The following CSMD2 variants were observed in gnomAD, a reference collection of about 807,000 sequenced individuals.
CSMD2 encodes the protein CUB and Sushi multiple domains 2.
In CSMD2, 130 loss-of-function variants were observed where a neutral mutation model predicts 398.5. That is an observed-to-expected ratio of 0.33 (90% CI 0.28 to 0.38). The LOEUF (loss-of-function observed/expected upper bound fraction) is 0.38. CSMD2 is among the 10% of genes least tolerant of loss of function. The pLI, the probability that CSMD2 is intolerant of heterozygous loss-of-function variation, is 1.00. For missense variants in CSMD2, 3,829 were observed against 4,764.9 expected (o/e 0.80, Z 5.78); for synonymous variants, 1,828 against 1,908.5 (o/e 0.96, Z 1.10).
intron 3 of CSMD2, among the ~76,000 whole-genome samples, chr1:34,011,479 G>C (rs887524724): frequency 2.6e-5 from 4 of 152,184 alleles, no homozygotes; most frequent in Admixed American, 6.5e-5. Flanking sequence ...GCCTAAGAGA[G>C]TCCATTCTTT....
At chr1:33,734,233 G>T (rs1439465071) in intron 15 of CSMD2, among the ~76,000 whole-genome samples, 1 of 151,604 alleles carries the variant, frequency 6.6e-6, no homozygotes, top group East Asian at 1.9e-4. Context: ...GAGAATAAAT[G>T]TGGATGTGTT....
chr1:33,763,625 T>C (rs1231589537), intron 13 of CSMD2, among the ~76,000 whole-genome samples: 1 of 152,176 alleles, frequency 6.6e-6, no homozygotes, highest in Non-Finnish European at 1.5e-5. Flanking sequence ...TGATAGGAAA[T>C]GCTGGGAGCC....
intron 21 of CSMD2, among the ~76,000 whole-genome samples, chr1:33,711,428 T>C (rs867685057): frequency 1.3e-5 from 2 of 152,208 alleles, no homozygotes; most frequent in Non-Finnish European, 2.9e-5. Flanking sequence ...AATAATAGCA[T>C]TCTCATAAGA....
chr1:33,605,467 T>C lies in CSMD2; in HGVS notation c.6347A>G (p.Tyr2116Cys), dbSNP rs200429573. 7 of 1,613,976 alleles carry C rather than the reference T, an allele frequency of 4.3e-6. No individual in the cohort carries two copies. Among genetic ancestry groups the C allele is most frequent in the South Asian group, 2.2e-5 (2 of 91,080 alleles). Residue 2116 changes from tyrosine to cysteine, a missense_variant, in exon 42 of 71, where the codon TAT becomes TGT. Physicochemically the swap from Tyr to Cys is radical, Grantham distance 194 (BLOSUM62 -2). Transcript: ENST00000373381. ...TGGGTCTGGGCACTCTTGAAGTTCA[T>C]AGGCTGGAAAAGATCCGGAGAAAAG... ...RPGFKLEYQAYELQECPDPEP... is the reference protein window; with the variant it reads ...RPGFKLEYQACELQECPDPEP...
intron 37 of CSMD2, 108 bp from the exon 38 acceptor site, chr1:33,617,725 T>C: frequency 1.3e-6 from 1 of 775,668 alleles, no homozygotes; most frequent in Non-Finnish European, 2.3e-6. Flanking sequence ...GTGCTTCTAA[T>C]TTGTGCTTTC....
chr1:33,537,521 G>A lies in CSMD2; in HGVS notation c.9720C>T (p.Cys3240=). The A allele has an allele frequency of 6.2e-7, 1 of 1,614,098 alleles. No individual in the cohort carries two copies. Among genetic ancestry groups the A allele is most frequent in the South Asian group, 1.1e-5 (1 of 91,072 alleles). The change falls in exon 61 of 71, where the codon TGC becomes TGT. Residue 3240 remains cysteine (C), a synonymous_variant. Coordinates refer to ENST00000373381, the MANE Select transcript of CSMD2 (RefSeq NM_001281956.2). This position sits in a 1 kb window ranked among gnomAD's most constrained non-coding sequence, Gnocchi z 4.6. ...AGCCCACCAGCACCAGAGGGGGATG[G>A]CAGGAGAAGGAGACAGATGACCTGT... ...FSYRSSVSFS[C]HPPLVLVGSP...
rs1570668214 is a variant in CSMD2, at chr1:33,541,071, T to C, written c.9457+59A>G. ...CCCTTCTAGAGAGATGCTCAGGGCC[T>C]ACATCTCACTTTTGTATCTTCTTTG... On this transcript the variant is annotated intron_variant, in intron 59 of 70. Coordinates refer to ENST00000373381, the MANE Select transcript of CSMD2 (RefSeq NM_001281956.2). 2.6e-6 allele frequency: 4 copies of C among 1,536,240 alleles called. No individual in the cohort carries two copies. In the African/African-American group the frequency reaches 4.1e-5, roughly 16 times the overall value.
intron 1 of CSMD2, among the ~76,000 whole-genome samples, chr1:34,116,042 A>G (rs1661569339): frequency 6.6e-6 from 1 of 152,076 alleles, no homozygotes; most frequent in African/African-American, 2.4e-5. Flanking sequence ...GAAAAAAGGA[A>G]CAAAGTAACT....
chr1:33,663,250 C>T, intron 25 of CSMD2, among the ~76,000 whole-genome samples, 158 bp from the exon 26 acceptor site: 1 of 152,198 alleles, frequency 6.6e-6, no homozygotes, highest in African/African-American at 2.4e-5. Flanking sequence ...CGTCTGGCAG[C>T]ATCCTCATTT....
chr1:33,617,231 C>T (rs569879600), intron 38 of CSMD2, among the ~76,000 whole-genome samples: 1 of 152,314 alleles, frequency 6.6e-6, no homozygotes, highest in African/African-American at 2.4e-5. Flanking sequence ...TACTAAATTC[C>T]CTGATGGCCT....
At chr1:34,128,341 G>C (rs1662960225) in intron 1 of CSMD2, among the ~76,000 whole-genome samples, 1 of 152,194 alleles carries the variant, frequency 6.6e-6, no homozygotes, top group Non-Finnish European at 1.5e-5. Context: ...GTGACTCTTG[G>C]TAGAATTTGT....
At chr1:33,988,746 T>C (rs1411025870) in intron 3 of CSMD2, among the ~76,000 whole-genome samples, 1 of 151,426 alleles carries the variant, frequency 6.6e-6, no homozygotes, top group African/African-American at 2.4e-5. Context: ...AAGGAGGGGA[T>C]GCTGATAGGG....
intron 2 of CSMD2, among the ~76,000 whole-genome samples, chr1:34,077,122 G>A (rs1656474892): frequency 6.6e-6 from 1 of 151,032 alleles, no homozygotes; most frequent in Non-Finnish European, 1.5e-5. Flanking sequence ...TTGTTGGAAC[G>A]CATCCATAAA....
chr1:33,996,584 C>G (rs1646733272), intron 3 of CSMD2, among the ~76,000 whole-genome samples: 1 of 152,188 alleles, frequency 6.6e-6, no homozygotes, highest in Non-Finnish European at 1.5e-5. Context: ...AAGGGTTGCT[C>G]ACTCAAGGGG....
At chr1:33,707,678 T>TGC (rs1645834119) in intron 22 of CSMD2, among the ~76,000 whole-genome samples, 1 of 112,860 alleles carries the variant, frequency 8.9e-6, no homozygotes, top group Admixed American at 1.0e-4. Flanking sequence ...CACGCACGCG[T>TGC]GCACACGCGC....
At chr1:34,088,213 G>A (rs1658137597) in intron 2 of CSMD2, among the ~76,000 whole-genome samples, 1 of 152,234 alleles carries the variant, frequency 6.6e-6, no homozygotes, top group South Asian at 2.1e-4. Context: ...CCCAGGGCTT[G>A]GCTTGTAAGC....
At chr1:33,927,423 T>C (rs1480747459) in intron 4 of CSMD2, among the ~76,000 whole-genome samples, 4 of 152,178 alleles carry the variant, frequency 2.6e-5, no homozygotes, top group Admixed American at 2.0e-4. Flanking sequence ...CACTCCTTAG[T>C]GAGCTTTCAT....
intron 3 of CSMD2, among the ~76,000 whole-genome samples, chr1:33,995,505 T>C (rs937006978): frequency 3.9e-5 from 6 of 152,218 alleles, no homozygotes; most frequent in African/African-American, 1.4e-4. Context: ...CAGTCTGGCC[T>C]CCTGCTTCTG....
intron 2 of CSMD2, 75 bp from the exon 3 acceptor site, chr1:34,032,781 G>T: frequency 1.0e-6 from 1 of 997,336 alleles, no homozygotes; most frequent in Non-Finnish European, 1.5e-6. Context: ...TTTATTGAGT[G>T]CCTGCTGGAT....
Sources: gnomAD v4.1 joint callset for allele counts (sites outside exome capture counted in the v4.1 genomes callset) on GRCh38, gnomAD v4.1.1 for gene constraint, Gnocchi (gnomAD v3.1) non-coding constraint, MANE v1.5 for transcripts, NCBI Gene and HGNC (gene_info 2026-07-23, HGNC 2026-07-21) for gene names.